Variants in LYPLAL1 observed in about 807,000 individuals in gnomAD.
The protein encoded by LYPLAL1 is lysophospholipase-like protein 1.
Under a neutral mutation model 19.7 loss-of-function variants are expected in LYPLAL1, and 23 were observed. That is an observed-to-expected ratio of 1.17 (90% CI 0.84 to 1.65). The LOEUF (loss-of-function observed/expected upper bound fraction) is 1.65, where lower values mean the gene tolerates loss of function less well. LYPLAL1 is among the 40% of genes most tolerant of loss of function. LYPLAL1 has a pLI of 0.00. For synonymous variants in LYPLAL1, 119 were observed against 96.3 expected (o/e 1.24, Z -1.38); for missense variants, 355 against 279.4 (o/e 1.27, Z -1.93).
chr1:219,363,974 G>A, the LYPLAL1 span, among the ~76,000 whole-genome samples: 2 of 151,994 alleles, frequency 1.3e-5, no homozygotes, highest in Non-Finnish European at 2.9e-5. Context: ...GAGCCACAGG[G>A]GAAGTCTGCT....
At chr1:219,259,585 A>G in the LYPLAL1 span, among the ~76,000 whole-genome samples, 2 of 151,690 alleles carry the variant, frequency 1.3e-5, no homozygotes, top group African/African-American at 2.4e-5. Flanking sequence ...GTGGGAGCTA[A>G]GCTACACGGA....
At chr1:219,377,016 G>C in the LYPLAL1 span, among the ~76,000 whole-genome samples, 5 of 152,124 alleles carry the variant, frequency 3.3e-5, no homozygotes, top group Non-Finnish European at 7.4e-5. Context: ...GTGTCTCAAA[G>C]AAATATTTGT....
At chr1:219,278,205 C>G in the LYPLAL1 span, among the ~76,000 whole-genome samples, 1 of 152,196 alleles carries the variant, frequency 6.6e-6, no homozygotes, top group East Asian at 1.9e-4. Context: ...TAACCTACCC[C>G]TGGACTCTTT....
the LYPLAL1 span, among the ~76,000 whole-genome samples, chr1:219,444,652 T>TA: frequency 6.6e-6 from 1 of 152,224 alleles, no homozygotes; most frequent in Non-Finnish European, 1.5e-5. Context: ...GTCAAAGTCA[T>TA]TGTGCTTACG....
chr1:219,223,995 A>G, the LYPLAL1 span, among the ~76,000 whole-genome samples: 1 of 151,832 alleles, frequency 6.6e-6, no homozygotes, highest in Admixed American at 6.6e-5. Flanking sequence ...CTGTTCAGTT[A>G]TTGGCTTGTC....
At chr1:219,330,798 C>T in the LYPLAL1 span, among the ~76,000 whole-genome samples, 10,295 of 152,262 alleles carry the variant, frequency 0.068, 492 homozygotes, top group South Asian at 0.14. Context: ...TCTTTGCGTT[C>T]GCATCTGTCA....
chr1:219,290,308 T>C, the LYPLAL1 span, among the ~76,000 whole-genome samples: 1 of 152,200 alleles, frequency 6.6e-6, no homozygotes, highest in African/African-American at 2.4e-5. Flanking sequence ...AACTCCATCT[T>C]GAGTGAGGGC....
At chr1:219,370,866 C>T in the LYPLAL1 span, among the ~76,000 whole-genome samples, 4 of 152,156 alleles carry the variant, frequency 2.6e-5, no homozygotes, top group Admixed American at 6.6e-5. Context: ...TTTTCATACA[C>T]GCACTTAAGA....
chr1:219,178,245 C>G (rs1411007354), intron 1 of LYPLAL1, among the ~76,000 whole-genome samples: 2 of 152,196 alleles, frequency 1.3e-5, no homozygotes, highest in African/African-American at 2.4e-5. Flanking sequence ...CACCAAGTGT[C>G]TCATTTTTGA....
chr1:219,283,676 CA>C, the LYPLAL1 span, among the ~76,000 whole-genome samples: 13 of 150,726 alleles, frequency 8.6e-5, no homozygotes, highest in East Asian at 1.6e-3. Context: ...AGAGGAAAGG[CA>C]AAAAAAAATT....
chr1:219,341,120 C>G, the LYPLAL1 span, among the ~76,000 whole-genome samples: 1 of 152,026 alleles, frequency 6.6e-6, no homozygotes, highest in Non-Finnish European at 1.5e-5. Context: ...GCTTATGCAT[C>G]ATAAAACCCA....
chr1:219,210,810 A>G (rs1480035679), intron 4 of LYPLAL1, among the ~76,000 whole-genome samples, 163 bp downstream of exon 4: 5 of 152,140 alleles, frequency 3.3e-5, no homozygotes, highest in Admixed American at 3.3e-4. Flanking sequence ...CGTAGTGATT[A>G]AATTCCAGCT....
the LYPLAL1 span, among the ~76,000 whole-genome samples, chr1:219,219,932 G>T: frequency 1.4e-5 from 2 of 141,844 alleles, no homozygotes; most frequent in African/African-American, 5.0e-5. Context: ...GCAACAGTTT[G>T]GGAGAACAAC....
At chr1:219,288,443 A>G in the LYPLAL1 span, among the ~76,000 whole-genome samples, 3 of 152,194 alleles carry the variant, frequency 2.0e-5, no homozygotes, top group African/African-American at 7.2e-5. Flanking sequence ...TAAAAGAAAA[A>G]GATCAGTGAC....
intron 3 of LYPLAL1, chr1:219,200,067 C>A (rs1657969786): frequency 1.3e-5 from 3 of 230,816 alleles, no homozygotes; most frequent in South Asian, 7.8e-5. Context: ...TGCATCCTTC[C>A]ATCTGTTGAA....
the LYPLAL1 span, among the ~76,000 whole-genome samples, chr1:219,391,572 G>GA: frequency 0.2 from 30,094 of 147,806 alleles, 3,500 homozygotes; most frequent in Admixed American, 0.31. Flanking sequence ...CATTTAGCTT[G>GA]AAAAAAAAAA....
chr1:219,423,072 C>G, the LYPLAL1 span, among the ~76,000 whole-genome samples: 2 of 152,076 alleles, frequency 1.3e-5, no homozygotes, highest in African/African-American at 4.8e-5. Flanking sequence ...TAAATTTTTC[C>G]CACCTTGATG....
At position 219,212,722 on chromosome 1, in the gene LYPLAL1, A is replaced by G. The variant is rs1659137225; in HGVS notation, c.*994A>G. 6.6e-6 allele frequency: 1 copy of G among 152,040 alleles called. No homozygotes were observed. Among genetic ancestry groups the G allele is most frequent in the Non-Finnish European group, 1.5e-5 (1 of 67,954 alleles). The allele number at this position is 152,040 out of a possible 1,614,324, so 9.4% of individuals were successfully genotyped here. On this transcript the variant is annotated 3_prime_UTR_variant, in exon 5 of 5. Transcript: ENST00000366928. Reference sequence around the variant, plus strand: ...CATGAGATTTTTCCATGTTGTGTACATCAATAGTTCATCTATTTTATTGCT... The same window carrying G: ...CATGAGATTTTTCCATGTTGTGTACGTCAATAGTTCATCTATTTTATTGCT...
the LYPLAL1 span, among the ~76,000 whole-genome samples, chr1:219,274,181 G>T: frequency 6.6e-6 from 1 of 152,208 alleles, no homozygotes; most frequent in Non-Finnish European, 1.5e-5. Flanking sequence ...ATGCAGTGAA[G>T]TGGGATAGTG....
Sources: allele counts gnomAD v4.1 joint callset (sites outside exome capture counted in the v4.1 genomes callset), GRCh38; gene constraint gnomAD v4.1.1; transcripts MANE v1.5; gene names NCBI Gene and HGNC (gene_info 2026-07-23, HGNC 2026-07-21).